The following DPYSL3 variants were observed in gnomAD, a reference collection of about 807,000 sequenced individuals.
DPYSL3 encodes the protein dihydropyrimidinase like 3, also known as dihydropyrimidinase-related protein 3.
DPYSL3 carries 16 observed loss-of-function variants against 66.1 expected under a neutral mutation model. The ratio of observed to expected loss-of-function variants is 0.24; its 90% CI spans 0.16 to 0.37. DPYSL3 has a LOEUF of 0.37. Among genes scored for constraint, DPYSL3 ranks in the 10% least tolerant of loss-of-function variants. The pLI is 1.00. For missense variants in DPYSL3, 738 were observed against 916.2 expected (o/e 0.81, Z 2.51); for synonymous variants, 338 against 345.1 (o/e 0.98, Z 0.23).
chr5:147,417,238 AAAGCC>A (rs1274241717), intron 3 of DPYSL3, among the ~76,000 whole-genome samples: 4 of 152,240 alleles, frequency 2.6e-5, no homozygotes, highest in Admixed American at 2.0e-4. Context: ...CAGATGGCAG[AAAGCC>A]AAGCCAAGAT....
intron 12 of DPYSL3, among the ~76,000 whole-genome samples, chr5:147,396,455 C>G (rs1757975168): frequency 6.6e-6 from 1 of 152,202 alleles, no homozygotes; most frequent in African/African-American, 2.4e-5. Flanking sequence ...GGCACACAAC[C>G]TCCACCCATT....
rs952072860 is a variant in DPYSL3, at chr5:147,509,756, C to T, written c.103G>A (p.Gly35Ser). ...TTDQVPRQKY[G>S]GMFCNVEGAF... The stretch of plus-strand genomic sequence containing the variant: ...CCCTCCACGTTGCAGAACATGCCGC[C>T]GTATTTCTGCCGCGGGACCTGGTCC... The change falls in exon 1 of 14, where the codon GGC becomes AGC. Residue 35 changes from glycine to serine, a missense_variant. Transcript: ENST00000343218. This position sits in a 1 kb window ranked among gnomAD's most constrained non-coding sequence, Gnocchi z 5.3. 3.3e-5 allele frequency: 51 copies of T among 1,535,892 alleles called. No homozygotes were observed. The highest frequency in any genetic ancestry group is 2.9e-5 in the Non-Finnish European group (33 of 1,146,826).
intron 1 of DPYSL3, among the ~76,000 whole-genome samples, chr5:147,429,974 T>C (rs1448077911): frequency 3.3e-5 from 5 of 152,198 alleles, no homozygotes; most frequent in African/African-American, 1.2e-4. Flanking sequence ...GCAATCCAGC[T>C]TGGCACAGGA....
intron 1 of DPYSL3, among the ~76,000 whole-genome samples, chr5:147,435,497 G>A (rs114472082): frequency 0.02 from 3,038 of 152,246 alleles, 116 homozygotes; most frequent in African/African-American, 0.069. Context: ...ATCTCTATAA[G>A]AGATTGTGGA....
At chr5:147,503,544 T>G (rs1753644425) in intron 1 of DPYSL3, among the ~76,000 whole-genome samples, 1 of 152,050 alleles carries the variant, frequency 6.6e-6, no homozygotes. Context: ...CCTTCTGCCT[T>G]GGCTCCCAAA....
At chr5:147,438,597 C>A (rs1752458971) in intron 1 of DPYSL3, among the ~76,000 whole-genome samples, 1 of 152,184 alleles carries the variant, frequency 6.6e-6, no homozygotes. Context: ...CCCTTACCTG[C>A]AAAGCCATAA....
intron 8 of DPYSL3, among the ~76,000 whole-genome samples, chr5:147,402,267 G>A (rs1053160269): frequency 2.6e-5 from 4 of 151,880 alleles, no homozygotes; most frequent in Admixed American, 2.0e-4. Context: ...GGAATTGCTA[G>A]ATGCTCCCAT....
At chr5:147,485,046 G>C (rs560009023) in intron 1 of DPYSL3, among the ~76,000 whole-genome samples, 1 of 152,224 alleles carries the variant, frequency 6.6e-6, no homozygotes, top group African/African-American at 2.4e-5. Context: ...TTTCAACTAT[G>C]TTTTGAGGTT....
chr5:147,404,040 G>A (rs565527754), intron 8 of DPYSL3, among the ~76,000 whole-genome samples: 70 of 152,316 alleles, frequency 4.6e-4, no homozygotes, highest in Middle Eastern at 6.8e-3. Flanking sequence ...GCATGAGGGC[G>A]GTGGGTGGTC....
chr5:147,481,445 T>G (rs773463107), intron 1 of DPYSL3, among the ~76,000 whole-genome samples: 19 of 152,222 alleles, frequency 1.2e-4, no homozygotes, highest in Non-Finnish European at 2.6e-4. Flanking sequence ...GGTTCCTGGG[T>G]CAGAGACAAA....
intron 2 of DPYSL3, among the ~76,000 whole-genome samples, chr5:147,422,040 A>T (rs527930680): frequency 1.3e-5 from 2 of 152,346 alleles, no homozygotes; most frequent in South Asian, 4.1e-4. Context: ...GCTTCTGCAC[A>T]GCAAAAGAAA....
chr5:147,453,466 G>T, intron 1 of DPYSL3: 2 of 1,466,778 alleles, frequency 1.4e-6, no homozygotes, highest in Non-Finnish European at 9.1e-7. Flanking sequence ...CAGAGAAGCC[G>T]GCGGGATCCG....
At chr5:147,423,689 C>T (rs1261666026) in intron 2 of DPYSL3, among the ~76,000 whole-genome samples, 5 of 118,304 alleles carry the variant, frequency 4.2e-5, no homozygotes, top group Admixed American at 8.6e-5. Context: ...GATGAAAGCA[C>T]AAGCTGGTTT....
At chr5:147,422,291 C>A (rs1752096548) in intron 2 of DPYSL3, among the ~76,000 whole-genome samples, 1 of 152,098 alleles carries the variant, frequency 6.6e-6, no homozygotes, top group African/African-American at 2.4e-5. Flanking sequence ...CAAATCAAAA[C>A]CATAATGAGA....
intron 3 of DPYSL3, among the ~76,000 whole-genome samples, chr5:147,416,397 G>A (rs1290085509): frequency 6.6e-6 from 1 of 152,098 alleles, no homozygotes; most frequent in Non-Finnish European, 1.5e-5. Flanking sequence ...GGACAAAGCT[G>A]GTGTCAGTTA....
rs527454653 is a variant in DPYSL3, at chr5:147,414,282, C to T, written c.821-625G>A. Among the ~76,000 whole-genome samples the T allele has an allele frequency of 3.9e-5, 6 of 152,206 alleles. No homozygotes were observed. In the South Asian group the frequency reaches 1.2e-3, roughly 32 times the overall value. Reference sequence around the variant, plus strand: ...CAGAAAGGAGAACTAAGATACAGATCCTACCCTTAGGGAACTAATGGGCAG... The same window carrying T: ...CAGAAAGGAGAACTAAGATACAGATTCTACCCTTAGGGAACTAATGGGCAG... On this transcript the variant is annotated intron_variant, in intron 4 of 13. Coordinates refer to ENST00000343218, the MANE Select transcript of DPYSL3 (RefSeq NM_001197294.2).
chr5:147,487,713 A>G (rs1306822065), intron 1 of DPYSL3, among the ~76,000 whole-genome samples: 1 of 152,232 alleles, frequency 6.6e-6, no homozygotes, highest in African/African-American at 2.4e-5. Context: ...CAAACCTAAA[A>G]TATTTCCTAT....
At chr5:147,418,733 T>C (rs1752023497) in intron 2 of DPYSL3, 102 bp from the exon 3 acceptor site, 8 of 1,063,798 alleles carry the variant, frequency 7.5e-6, no homozygotes, top group Non-Finnish European at 9.3e-6. Context: ...ACAGTGTTAC[T>C]TGTATTTATC....
At chr5:147,424,838 G>A (rs1228501388) in intron 2 of DPYSL3, 37 bp downstream of exon 2, 3 of 1,468,740 alleles carry the variant, frequency 2.0e-6, no homozygotes, top group Non-Finnish European at 1.9e-6. Context: ...GAAGGAGGAA[G>A]TGCAAAACAA....
Sources: gnomAD v4.1 joint callset for allele counts (sites outside exome capture counted in the v4.1 genomes callset) on GRCh38, gnomAD v4.1.1 for gene constraint, Gnocchi (gnomAD v3.1) non-coding constraint, MANE v1.5 for transcripts, NCBI Gene and HGNC (gene_info 2026-07-23, HGNC 2026-07-21) for gene names.